The following ANO4 variants were observed in gnomAD, a reference collection of about 807,000 sequenced individuals.
ANO4 encodes anoctamin 4, also known as anoctamin-4.
A neutral mutation model predicts 141.9 loss-of-function variants in ANO4; 69 were observed. That is an observed-to-expected ratio of 0.49 (90% CI 0.40 to 0.59). The LOEUF (loss-of-function observed/expected upper bound fraction) is 0.59. Ranked by LOEUF, ANO4 falls within the 20% of genes least tolerant of loss-of-function variation. The probability of loss-of-function intolerance (pLI) is 0.00; values close to 1 mark genes in which losing one functional copy is unlikely to be tolerated. For synonymous variants in ANO4, 350 were observed against 394.3 expected (o/e 0.89, Z 1.33); for missense variants, 894 against 1,162.2 (o/e 0.77, Z 3.36).
intron 17 of ANO4, among the ~76,000 whole-genome samples, chr12:101,092,484 G>A (rs1429945770): frequency 1.3e-5 from 2 of 152,126 alleles, no homozygotes; most frequent in Non-Finnish European, 2.9e-5. Flanking sequence ...TGAGAAATCA[G>A]ACATTTTTCC....
intron 3 of ANO4, 103 bp from the exon 4 acceptor site, chr12:100,939,212 T>C: frequency 8.4e-7 from 1 of 1,191,458 alleles, no homozygotes; most frequent in Non-Finnish European, 1.2e-6. Context: ...GTTAATGAAA[T>C]GATGAGAAAA....
At chr12:100,781,391 T>A (rs1363313971) in intron 3 of ANO4, among the ~76,000 whole-genome samples, 1 of 152,182 alleles carries the variant, frequency 6.6e-6, no homozygotes, top group African/African-American at 2.4e-5. Context: ...CAGATTTTTC[T>A]TACAACTACA....
At chr12:101,068,077 T>C (rs2048665353) in intron 14 of ANO4, among the ~76,000 whole-genome samples, 1 of 152,210 alleles carries the variant, frequency 6.6e-6, no homozygotes, top group Non-Finnish European at 1.5e-5. Flanking sequence ...ACTGGGCAAA[T>C]GATTGCCATC....
intron 17 of ANO4, among the ~76,000 whole-genome samples, chr12:101,089,512 T>G (rs2049661771): frequency 6.6e-6 from 1 of 152,128 alleles, no homozygotes; most frequent in Admixed American, 6.5e-5. Context: ...GAATACACAT[T>G]GTAGGTAGAG....
chr12:100,729,674 G>A (rs925729627), intron 1 of ANO4, among the ~76,000 whole-genome samples: 3 of 152,132 alleles, frequency 2.0e-5, no homozygotes, highest in African/African-American at 7.2e-5. Flanking sequence ...TTAACTCTAG[G>A]TGGTTCTTAA....
At chr12:100,919,223 T>A (rs925460232) in intron 2 of ANO4, among the ~76,000 whole-genome samples, 17 of 152,186 alleles carry the variant, frequency 1.1e-4, no homozygotes, top group Non-Finnish European at 2.1e-4. Flanking sequence ...GAAACATTTT[T>A]AAATAAATTT....
At chr12:100,964,910 T>C (rs1566064730) in intron 5 of ANO4, among the ~76,000 whole-genome samples, 1 of 152,178 alleles carries the variant, frequency 6.6e-6, no homozygotes, top group Non-Finnish European at 1.5e-5. Flanking sequence ...TACACGTCTA[T>C]TTATTGAGGG....
intron 5 of ANO4, among the ~76,000 whole-genome samples, chr12:100,950,012 A>G (rs1353910512): frequency 6.6e-6 from 1 of 152,098 alleles, no homozygotes; most frequent in African/African-American, 2.4e-5. Flanking sequence ...TCCTGCCCAA[A>G]TTACCCTAAT....
chr12:100,966,659 G>C lies in ANO4; in HGVS notation c.457-4647G>C, dbSNP rs199648190. ...TCAAACTTAACTTTTCCAAAACTGA[G>C]TTTATGATCTACCTCTGTACCCCCA... is the stretch of plus-strand genomic sequence containing the variant. On this transcript the variant is annotated intron_variant, in intron 5 of 27. Transcript: ENST00000392977. Among the ~76,000 whole-genome samples the C allele has an allele frequency of 4.6e-5, 7 of 151,936 alleles. No homozygotes were observed. The East Asian group carries it at 1.3e-3, about 29-fold the overall frequency.
chr12:101,050,683 A>C (rs1198236561), intron 14 of ANO4, among the ~76,000 whole-genome samples: 2 of 152,200 alleles, frequency 1.3e-5, no homozygotes, highest in Non-Finnish European at 2.9e-5. Flanking sequence ...GTATATTGTA[A>C]ACCTAAATGT....
intron 3 of ANO4, among the ~76,000 whole-genome samples, chr12:100,764,406 A>C (rs983903166): frequency 7.2e-5 from 11 of 152,004 alleles, no homozygotes; most frequent in African/African-American, 2.4e-4. Context: ...TTCTAAGAAA[A>C]CTCAAGATTT....
At chr12:100,888,013 GT>G (rs2039923179) in intron 1 of ANO4, among the ~76,000 whole-genome samples, 1 of 152,132 alleles carries the variant, frequency 6.6e-6, no homozygotes, top group South Asian at 2.1e-4. Flanking sequence ...GAATGTAAAG[GT>G]TTAAGATAAA....
At chr12:100,886,141 A>C (rs2039815578) in intron 1 of ANO4, among the ~76,000 whole-genome samples, 1 of 152,232 alleles carries the variant, frequency 6.6e-6, no homozygotes, top group Middle Eastern at 3.4e-3. Context: ...CCAGGCTTCT[A>C]TGACCGTTAC....
chr12:100,777,521 C>G (rs934311925), intron 3 of ANO4, among the ~76,000 whole-genome samples: 2 of 151,900 alleles, frequency 1.3e-5, no homozygotes, highest in African/African-American at 2.4e-5. Context: ...CTCCCCTTGG[C>G]TGGGAGACAC....
At chr12:101,004,455 C>T (rs574736133) in intron 8 of ANO4, among the ~76,000 whole-genome samples, 1 of 152,254 alleles carries the variant, frequency 6.6e-6, no homozygotes, top group South Asian at 2.1e-4. Flanking sequence ...AGGATCATTG[C>T]TGACAGGAAC....
intron 14 of ANO4, among the ~76,000 whole-genome samples, chr12:101,063,276 C>T (rs970335222): frequency 2.0e-5 from 3 of 152,198 alleles, no homozygotes; most frequent in African/African-American, 7.2e-5. Flanking sequence ...GCAGAAATCA[C>T]CCACCTTTTG....
intron 1 of ANO4, among the ~76,000 whole-genome samples, chr12:100,877,345 T>G (rs1459495698): frequency 6.6e-6 from 1 of 151,182 alleles, no homozygotes; most frequent in Non-Finnish European, 1.5e-5. Context: ...AATCATTCTA[T>G]AATATATGAT....
chr12:100,997,350 A>AAAG (rs2045434572), intron 8 of ANO4, among the ~76,000 whole-genome samples: 1 of 151,256 alleles, frequency 6.6e-6, no homozygotes, highest in South Asian at 2.1e-4. Context: ...AAAAAAAAAA[A>AAAG]AGTGTCTTTT....
chr12:101,001,046 T>G (rs2045614372), intron 8 of ANO4, among the ~76,000 whole-genome samples: 1 of 152,244 alleles, frequency 6.6e-6, no homozygotes, highest in African/African-American at 2.4e-5. Context: ...TATGTGTGCA[T>G]GTATATTTAT....
Sources: gnomAD v4.1 joint callset for allele counts (sites outside exome capture counted in the v4.1 genomes callset) on GRCh38, gnomAD v4.1.1 for gene constraint, MANE v1.5 for transcripts, NCBI Gene and HGNC (gene_info 2026-07-23, HGNC 2026-07-21) for gene names.